The following MED14 variants were observed in gnomAD, a reference collection of about 807,000 sequenced individuals.
MED14 encodes mediator complex subunit 14.
A neutral mutation model predicts 109.0 loss-of-function variants in MED14; 8 were observed. That is an observed-to-expected ratio of 0.07 (90% CI 0.04 to 0.13). MED14 has a LOEUF of 0.13. Ranked by LOEUF, MED14 falls within the 10% of genes least tolerant of loss-of-function variation. The pLI is 1.00. For synonymous variants in MED14, 399 were observed against 408.7 expected (o/e 0.98, Z 0.29); for missense variants, 711 against 1,142.4 (o/e 0.62, Z 5.44).
chrX:40,725,108 C>A (rs1931851637), intron 3 of MED14, among the ~76,000 whole-genome samples: 1 of 111,491 alleles, frequency 9.0e-6, no homozygotes, highest in Non-Finnish European at 1.9e-5. Context: ...GAAGACTGAA[C>A]CATGAAGAAA....
chrX:40,697,261 A>G (rs778856359), intron 12 of MED14, 78 bp from the exon 13 acceptor site: 13 of 558,764 alleles, frequency 2.3e-5, no homozygotes, highest in Admixed American at 3.6e-5. Flanking sequence ...ACAAATGATT[A>G]AAGACCATTA....
Position 40,680,928 on chromosome X carries a change from C to A in MED14, c.2458-18G>T. ...ATACTAATCTAAATAAAAAAGATTA[C>A]ATGTTTCAGAAACTGAGAAAGTAAC... On this transcript the variant is annotated intron_variant, in intron 19 of 30. Coordinates refer to ENST00000324817, the MANE Select transcript of MED14 (RefSeq NM_004229.4). 9.6e-7 allele frequency: 1 copy of A among 1,037,011 alleles called. No individual in the cohort carries two copies. The highest frequency in any genetic ancestry group is 2.4e-5 in the South Asian group (1 of 41,778). 85.5% of individuals were successfully genotyped at this position (1,037,011 alleles called of 1,213,427 possible).
intron 28 of MED14, among the ~76,000 whole-genome samples, chrX:40,657,533 C>G (rs545735130): frequency 4.5e-5 from 5 of 111,347 alleles, no homozygotes; most frequent in African/African-American, 1.6e-4. Flanking sequence ...AGAGCATGGC[C>G]CCACTGACCC....
intron 16 of MED14, among the ~76,000 whole-genome samples, chrX:40,685,112 C>T (rs1930249125): frequency 9.0e-6 from 1 of 111,668 alleles, no homozygotes; most frequent in Non-Finnish European, 1.9e-5. Flanking sequence ...AATTAAGAAC[C>T]GAGGAAGGTA....
At chrX:40,721,275 G>C (rs1444331664) in intron 3 of MED14, among the ~76,000 whole-genome samples, 1 of 111,409 alleles carries the variant, frequency 9.0e-6, no homozygotes, top group Non-Finnish European at 1.9e-5. Flanking sequence ...TGCCCTGAAA[G>C]ATGAGTCCCA....
intron 26 of MED14, among the ~76,000 whole-genome samples, chrX:40,660,388 T>C (rs1171147293): frequency 8.9e-6 from 1 of 111,841 alleles, no homozygotes; most frequent in African/African-American, 3.3e-5. Context: ...CAGAGTACAA[T>C]TACAAAAGGT....
intron 1 of MED14, among the ~76,000 whole-genome samples, chrX:40,731,188 C>A (rs962269790): frequency 9.3e-6 from 1 of 107,802 alleles, no homozygotes; most frequent in African/African-American, 3.4e-5. Context: ...AAAGTCAAGG[C>A]AGAGAGTAAA....
intron 23 of MED14, among the ~76,000 whole-genome samples, chrX:40,670,589 G>A (rs1021200363): frequency 1.0e-4 from 11 of 109,775 alleles, no homozygotes; most frequent in African/African-American, 3.3e-5. Flanking sequence ...GTGAAACCCC[G>A]TCTCTACTAA....
intron 28 of MED14, among the ~76,000 whole-genome samples, chrX:40,658,522 C>A (rs1037051513): frequency 9.1e-6 from 1 of 109,903 alleles, no homozygotes; most frequent in South Asian, 3.8e-4. Flanking sequence ...GAAAAAAGTA[C>A]AAAACAGGAT....
intron 3 of MED14, among the ~76,000 whole-genome samples, chrX:40,726,254 T>C (rs1037908341): frequency 6.3e-5 from 7 of 110,492 alleles, no homozygotes; most frequent in Non-Finnish European, 1.1e-4. Context: ...ACCCTGTGCT[T>C]ATTAGAGGTT....
At chrX:40,687,302 TCTC>T (rs1038055051) in intron 16 of MED14, among the ~76,000 whole-genome samples, 3 of 111,519 alleles carry the variant, frequency 2.7e-5, no homozygotes, top group African/African-American at 9.8e-5. Flanking sequence ...GAATATTTTC[TCTC>T]CTAACTCCTT....
At position 40,669,775 on chromosome X, in the gene MED14, C is replaced by G. The variant is rs143360084; in HGVS notation, c.3133+2086G>C. On this transcript the variant is annotated intron_variant, in intron 23 of 30. Coordinates refer to ENST00000324817, the MANE Select transcript of MED14 (RefSeq NM_004229.4). ...AAGTTCAGACTCCACACACCCTGCA[C>G]AGTCTGCCTGAGATATCCTCCTTGT... Among the ~76,000 whole-genome samples the G allele has an allele frequency of 6.9e-3, 778 of 111,999 alleles. 7 individuals are homozygous for G. Among genetic ancestry groups the G allele is most frequent in the African/African-American group, 0.023 (721 of 30,745 alleles).
intron 12 of MED14, among the ~76,000 whole-genome samples, chrX:40,699,410 C>T (rs776260932): frequency 9.0e-6 from 1 of 111,672 alleles, no homozygotes; most frequent in Admixed American, 9.5e-5. Context: ...GTAAATTATA[C>T]CTCAATAAAG....
chrX:40,679,109 T>C (rs1430744216), intron 21 of MED14, among the ~76,000 whole-genome samples: 1 of 112,244 alleles, frequency 8.9e-6, no homozygotes, highest in African/African-American at 3.2e-5. Context: ...TTAACCACTC[T>C]GGCAGTTGTG....
chrX:40,649,744 C>T lies in MED14; in HGVS notation c.*2062G>A. On this transcript the variant is annotated 3_prime_UTR_variant, in exon 31 of 31. Transcript: ENST00000324817. ...TATTCAAATGCTAAATGTTTTCAAG[C>T]TTTAATAAGGTATATATCAATTCCA... The T allele has an allele frequency of 2.3e-6, 2 of 864,209 alleles. No individual in the cohort carries two copies. The highest frequency in any genetic ancestry group is 2.9e-6 in the Non-Finnish European group (2 of 700,639). 71.2% of individuals were successfully genotyped at this position (864,209 alleles called of 1,213,427 possible). A position where few individuals can be genotyped will look rare whatever the true frequency, so the allele number is the denominator to read the frequency against.
At chrX:40,664,285 T>C (rs1929399489) in intron 25 of MED14, 22 bp downstream of exon 25, 1 of 1,186,312 alleles carries the variant, frequency 8.4e-7, no homozygotes, top group Non-Finnish European at 1.1e-6. Context: ...AAAAAGAACA[T>C]AAAAATGTTG....
At chrX:40,667,278 A>G (rs1929530363) in intron 23 of MED14, among the ~76,000 whole-genome samples, 1 of 112,114 alleles carries the variant, frequency 8.9e-6, no homozygotes, top group Non-Finnish European at 1.9e-5. Context: ...CAACAGGGTA[A>G]GGGGACAAGA....
chrX:40,685,866 G>C (rs1401349045), intron 16 of MED14, among the ~76,000 whole-genome samples: 1 of 112,043 alleles, frequency 8.9e-6, no homozygotes, highest in Non-Finnish European at 1.9e-5. Flanking sequence ...GCAAAGAGAA[G>C]GAAAGTGTGC....
chrX:40,732,355 C>A (rs144714009), intron 1 of MED14, among the ~76,000 whole-genome samples: 1,157 of 111,530 alleles, frequency 0.01, 15 homozygotes, highest in African/African-American at 0.036. Flanking sequence ...CCCATTTCTA[C>A]TAAAAATACA....
Sources: gnomAD v4.1 joint callset for allele counts (sites outside exome capture counted in the v4.1 genomes callset) on GRCh38, gnomAD v4.1.1 for gene constraint, MANE v1.5 for transcripts, NCBI Gene and HGNC (gene_info 2026-07-23, HGNC 2026-07-21) for gene names.